The following UBTD1 variants were observed in gnomAD, a reference collection of about 807,000 sequenced individuals.
UBTD1 encodes the protein ubiquitin domain containing 1.
A neutral mutation model predicts 21.7 loss-of-function variants in UBTD1; 19 were observed. The ratio of observed to expected loss-of-function variants is 0.87; its 90% confidence interval spans 0.61 to 1.28. The LOEUF (loss-of-function observed/expected upper bound fraction) is 1.28. UBTD1 is among the 50% of genes most tolerant of loss of function. The probability of loss-of-function intolerance (pLI) is 0.00; values close to 1 mark genes in which losing one functional copy is unlikely to be tolerated. For synonymous variants in UBTD1, 116 were observed against 135.1 expected, an observed-to-expected ratio of 0.86 and a Z score of 0.98; for missense variants, 282 against 315.1, an observed-to-expected ratio of 0.89 and a Z score of 0.80.
chr10:97,507,938 C>T (rs1016700919), intron 1 of UBTD1, among the ~76,000 whole-genome samples: 6 of 152,164 alleles, frequency 3.9e-5, no homozygotes, highest in African/African-American at 1.4e-4. Context: ...GTGAATGGTG[C>T]CTAGGCAGCC....
At chr10:97,530,148 C>T (rs959674264) in intron 1 of UBTD1, among the ~76,000 whole-genome samples, 6 of 152,116 alleles carry the variant, frequency 3.9e-5, no homozygotes, top group African/African-American at 9.7e-5. Flanking sequence ...ACTTTGTGTC[C>T]GTGTTCCCCA....
intron 1 of UBTD1, among the ~76,000 whole-genome samples, chr10:97,552,391 C>A (rs2040642879): frequency 1.7e-5 from 1 of 60,242 alleles, no homozygotes; most frequent in African/African-American, 4.2e-5. Context: ...TAATTATACA[C>A]CCTTTTTTTT....
At chr10:97,519,249 G>A (rs960313563) in intron 1 of UBTD1, among the ~76,000 whole-genome samples, 2 of 152,216 alleles carry the variant, frequency 1.3e-5, no homozygotes, top group Middle Eastern at 6.3e-3. Flanking sequence ...ACTTTTGGAT[G>A]GTAGAGGTTG....
chr10:97,531,604 C>T (rs1435929272), intron 1 of UBTD1, among the ~76,000 whole-genome samples: 1 of 152,202 alleles, frequency 6.6e-6, no homozygotes, highest in East Asian at 1.9e-4. Flanking sequence ...GGACCAGAGA[C>T]TCCTGACTGT....
intron 1 of UBTD1, among the ~76,000 whole-genome samples, chr10:97,510,733 TC>T (rs1402532626): frequency 6.6e-6 from 1 of 152,244 alleles, no homozygotes; most frequent in African/African-American, 2.4e-5. Context: ...TATCTACTGT[TC>T]GACCCATTTA....
intron 1 of UBTD1, among the ~76,000 whole-genome samples, chr10:97,532,710 A>C (rs1166038699): frequency 2.0e-5 from 3 of 152,120 alleles, no homozygotes; most frequent in Non-Finnish European, 4.4e-5. Flanking sequence ...GAATCGCTTG[A>C]GTCCGGGAGA....
intron 1 of UBTD1, among the ~76,000 whole-genome samples, chr10:97,555,632 G>T (rs1362483991): frequency 6.7e-6 from 1 of 149,164 alleles, no homozygotes; most frequent in Admixed American, 6.8e-5. Flanking sequence ...CACATGAAAG[G>T]GTTGTGATTG....
At chr10:97,500,005 C>G (rs1314985982) in intron 1 of UBTD1, among the ~76,000 whole-genome samples, 1 of 152,210 alleles carries the variant, frequency 6.6e-6, no homozygotes, top group East Asian at 1.9e-4. Context: ...GTCTGTCGGT[C>G]ATTTTTCTGG....
rs57402351 is a variant in UBTD1 at position 97,516,932 on chromosome 10, C to T, written c.70+17659C>T. Among the ~76,000 whole-genome samples, 586 of 152,218 alleles carry T rather than the reference C, an allele frequency of 3.8e-3. 6 individuals are homozygous for T. Among genetic ancestry groups the T allele is most frequent in the African/African-American group, 0.013 (552 of 41,518 alleles). On this transcript the variant is annotated intron_variant, in intron 1 of 2. Transcript: ENST00000370664. ...AGTAAGAGGTGGGGCCTGATGGCAC[C>T]TCGGATGCTGACTGCGGGGCAGGGC...
chr10:97,570,910 C>A lies in UBTD1; in HGVS notation c.*387C>A, dbSNP rs189779553. 380 of 198,140 alleles carry A rather than the reference C, an allele frequency of 1.9e-3. No individual in the cohort carries two copies. Among genetic ancestry groups the A allele is most frequent in the African/African-American group, 8.2e-3 (359 of 43,926 alleles). 12.3% of individuals were successfully genotyped at this position (198,140 alleles called of 1,614,324 possible). A position where few individuals can be genotyped will look rare whatever the true frequency, so the allele number is the denominator to read the frequency against. On this transcript the variant is annotated 3_prime_UTR_variant, in exon 3 of 3. Transcript: ENST00000370664. The surrounding 1 kb of genome is among the most constrained non-coding windows in gnomAD (Gnocchi z 6.6). ...AGCTGCTGTCTCCCTCCTCTGCCCC[C>A]ATCCCCTGGCTCTCCCCTGGGCACA...
chr10:97,527,706 A>G (rs375013383), intron 1 of UBTD1, among the ~76,000 whole-genome samples: 6 of 151,852 alleles, frequency 4.0e-5, no homozygotes, highest in African/African-American at 1.2e-4. Context: ...ATCTTGCACC[A>G]CCCTTAATCC....
At position 97,570,221 on chromosome 10, in the gene UBTD1, C is replaced by T. The variant is rs143875493; in HGVS notation, c.382C>T (p.Leu128=). 6.3e-5 allele frequency: 102 copies of T among 1,613,398 alleles called. No individual in the cohort carries two copies. In the African/African-American group the frequency reaches 1.2e-3, roughly 19 times the overall value. Residue 128 remains leucine (L), a synonymous_variant, in exon 3 of 3, where the codon CTG becomes TTG. Coordinates refer to ENST00000370664, the MANE Select transcript of UBTD1 (RefSeq NM_024954.5). The surrounding 1 kb of genome is among the most constrained non-coding windows in gnomAD (Gnocchi z 6.6). ...YCLSPPVNLL[L]EHTEEESLEP... is the part of the protein sequence containing the mutation. ...CCTGTCACCGCCGGTGAACCTGCTGCTGGAGCACACGGAGGAGGAGAGCCT... is the reference window on the plus strand; with the variant it reads ...CCTGTCACCGCCGGTGAACCTGCTGTTGGAGCACACGGAGGAGGAGAGCCT...
chr10:97,505,922 G>T (rs1001013762), intron 1 of UBTD1, among the ~76,000 whole-genome samples: 4 of 152,130 alleles, frequency 2.6e-5, no homozygotes, highest in Admixed American at 2.6e-4. Flanking sequence ...AACTATAAAA[G>T]AAATGTTTAA....
At chr10:97,517,161 G>A (rs574819786) in intron 1 of UBTD1, among the ~76,000 whole-genome samples, 1 of 152,238 alleles carries the variant, frequency 6.6e-6, no homozygotes, top group African/African-American at 2.4e-5. Flanking sequence ...TATGGAAGAC[G>A]CTTTCAAGAA....
At chr10:97,541,477 C>CA (rs1405925334) in intron 1 of UBTD1, among the ~76,000 whole-genome samples, 17 of 151,238 alleles carry the variant, frequency 1.1e-4, no homozygotes, top group East Asian at 7.8e-4. Flanking sequence ...GACCCTGTCT[C>CA]AAAAAAAAGA....
chr10:97,564,496 G>A (rs770151572), intron 1 of UBTD1, among the ~76,000 whole-genome samples: 35 of 152,126 alleles, frequency 2.3e-4, no homozygotes, highest in Non-Finnish European at 5.0e-4. Flanking sequence ...GCCATCTATT[G>A]CCTCTAAGGG....
chr10:97,531,072 A>G (rs1480216735), intron 1 of UBTD1, among the ~76,000 whole-genome samples: 1 of 151,830 alleles, frequency 6.6e-6, no homozygotes, highest in Non-Finnish European at 1.5e-5. Context: ...TACTTTTAGT[A>G]GAGACGGGGT....
chr10:97,566,598 A>T (rs1298266509), intron 1 of UBTD1, among the ~76,000 whole-genome samples: 8 of 152,258 alleles, frequency 5.3e-5, no homozygotes, highest in Non-Finnish European at 8.8e-5. Flanking sequence ...AATAATACCT[A>T]CTGCCTAAGG....
At chr10:97,514,679 C>T (rs11596272) in intron 1 of UBTD1, among the ~76,000 whole-genome samples, 4,374 of 152,262 alleles carry the variant, frequency 0.029, 95 homozygotes, top group Non-Finnish European at 0.044. Context: ...TCATTGCCCT[C>T]TCTGTGTAAG....
Sources: allele counts gnomAD v4.1 joint callset (sites outside exome capture counted in the v4.1 genomes callset), GRCh38; gene constraint gnomAD v4.1.1; non-coding constraint Gnocchi (gnomAD v3.1); transcripts MANE v1.5; gene names NCBI Gene and HGNC (gene_info 2026-07-23, HGNC 2026-07-21).